ARHGEF7: variants seen among roughly 807,000 people sequenced by gnomAD.
ARHGEF7 encodes PAK-interacting exchange factor beta.
ARHGEF7 carries 33 observed loss-of-function variants against 109.8 expected under a neutral mutation model. The observed-to-expected ratio is 0.30, with a 90% CI of 0.23 to 0.40. ARHGEF7 has a LOEUF of 0.40. Ranked by LOEUF, ARHGEF7 falls within the 10% of genes least tolerant of loss-of-function variation. The probability of loss-of-function intolerance (pLI) is 1.00; values close to 1 mark genes in which losing one functional copy is unlikely to be tolerated. For missense variants in ARHGEF7, 938 were observed against 1,098.5 expected (o/e 0.85, Z 2.07); for synonymous variants, 458 against 424.6 (o/e 1.08, Z -0.97).
rs1020577470 is a variant in ARHGEF7 at position 111,145,915 on chromosome 13, C to A, written c.166-7990C>A. On this transcript the variant is annotated intron_variant, in intron 1 of 21. Coordinates refer to ENST00000646102, the MANE Select transcript of ARHGEF7 (RefSeq NM_001354046.2). The surrounding 1 kb of genome is among the most constrained non-coding windows in gnomAD (Gnocchi z 4.3). ...TTCTGTGACCCTTTCAGCTAAGGTT[C>A]TTTGTTTCACTTACTCCGTGATGAG... Among the ~76,000 whole-genome samples, 7 of 152,158 alleles carry A rather than the reference C, an allele frequency of 4.6e-5. No individual in the cohort carries two copies. Among genetic ancestry groups the A allele is most frequent in the Non-Finnish European group, 8.8e-5 (6 of 68,026 alleles).
rs2093609838 is a variant in ARHGEF7 at position 111,303,446 on chromosome 13, A to G, written c.*333A>G. ...TTGAATATATAAATATTATATATACATGTTTCTTGTAAATATCCCATTTTG... is the reference window on the plus strand; with the variant it reads ...TTGAATATATAAATATTATATATACGTGTTTCTTGTAAATATCCCATTTTG... On this transcript the variant is annotated 3_prime_UTR_variant, in exon 22 of 22. Coordinates refer to ENST00000646102, the MANE Select transcript of ARHGEF7 (RefSeq NM_001354046.2). 6.2e-6 allele frequency: 1 copy of G among 162,284 alleles called. No individual in the cohort carries two copies. Among genetic ancestry groups the G allele is most frequent in the African/African-American group, 2.4e-5 (1 of 41,932 alleles). 10.1% of individuals were successfully genotyped at this position (162,284 alleles called of 1,614,324 possible). A position where few individuals can be genotyped will look rare whatever the true frequency, so the allele number is the denominator to read the frequency against.
chr13:111,191,865 T>C (rs1049146470), intron 2 of ARHGEF7, among the ~76,000 whole-genome samples: 6 of 152,118 alleles, frequency 3.9e-5, no homozygotes, highest in African/African-American at 1.2e-4. Flanking sequence ...AGAAAGAAGG[T>C]TGATAAGATT....
intron 1 of ARHGEF7, among the ~76,000 whole-genome samples, chr13:111,117,191 T>C (rs566336170): frequency 1.6e-4 from 24 of 152,348 alleles, no homozygotes; most frequent in African/African-American, 5.8e-4. Context: ...GCTGTATTGA[T>C]AAAAACATGT....
chr13:111,284,847 C>A (rs757323231), intron 16 of ARHGEF7, among the ~76,000 whole-genome samples: 1 of 152,194 alleles, frequency 6.6e-6, no homozygotes. Flanking sequence ...TGCTCTGTGA[C>A]CCTCTGCGCC....
chr13:111,153,615 G>T lies in ARHGEF7; in HGVS notation c.166-290G>T, dbSNP rs556855894. ...CCGACGCTATCCGAAGACGTCCCGC[G>T]CGGGCCGGCGGGGGCGCGGTCTGAG... On this transcript the variant is annotated intron_variant, in intron 1 of 21. Transcript: ENST00000646102. 2.7e-4 allele frequency: 320 copies of T among 1,170,714 alleles called. 2 individuals carry two copies. In the African/African-American group the frequency reaches 4.9e-3, roughly 18 times the overall value. The allele number at this position is 1,170,714 out of a possible 1,614,324, so 72.5% of individuals were successfully genotyped here.
intron 3 of ARHGEF7, 94 bp from the exon 4 acceptor site, chr13:111,209,778 C>T (rs1309500044): frequency 7.0e-7 from 1 of 1,436,082 alleles, no homozygotes; most frequent in African/African-American, 1.4e-5. Context: ...GTGTGTCCCT[C>T]TGTGCTGCCC....
intron 5 of ARHGEF7, among the ~76,000 whole-genome samples, chr13:111,225,360 A>G (rs2085055455): frequency 6.6e-6 from 1 of 152,052 alleles, no homozygotes; most frequent in East Asian, 1.9e-4. Flanking sequence ...AGCACAGGCC[A>G]CCCACTCCCA....
chr13:111,249,095 T>C (rs1357407830), intron 8 of ARHGEF7, among the ~76,000 whole-genome samples: 2 of 152,154 alleles, frequency 1.3e-5, no homozygotes, highest in Non-Finnish European at 2.9e-5. Context: ...TGGGCAGAAT[T>C]TAGAGACAGA....
chr13:111,125,191 A>G (rs892681871), intron 1 of ARHGEF7, among the ~76,000 whole-genome samples: 6 of 152,022 alleles, frequency 3.9e-5, no homozygotes, highest in Non-Finnish European at 7.4e-5. Flanking sequence ...GAATCTTTCC[A>G]TGATGAGAAA....
intron 1 of ARHGEF7, among the ~76,000 whole-genome samples, chr13:111,133,097 C>T (rs963478595): frequency 1.3e-5 from 2 of 151,866 alleles, no homozygotes; most frequent in Non-Finnish European, 2.9e-5. Context: ...CATATATACA[C>T]ATATACATAC....
intron 2 of ARHGEF7, among the ~76,000 whole-genome samples, chr13:111,203,991 C>T (rs566876751): frequency 6.6e-6 from 1 of 152,298 alleles, no homozygotes; most frequent in African/African-American, 2.4e-5. Flanking sequence ...CAATCTGCCA[C>T]TGCAGATTTT....
chr13:111,205,593 C>T (rs763789762), intron 3 of ARHGEF7, among the ~76,000 whole-genome samples: 1 of 152,158 alleles, frequency 6.6e-6, no homozygotes, highest in Admixed American at 6.5e-5. Context: ...GTTTTCCTTT[C>T]TGTGGGTGGA....
At chr13:111,200,475 A>G (rs555977455) in intron 2 of ARHGEF7, among the ~76,000 whole-genome samples, 35 of 147,628 alleles carry the variant, frequency 2.4e-4, no homozygotes, top group African/African-American at 8.3e-4. Flanking sequence ...TTGACAATAC[A>G]CTGTGTCAGA....
intron 2 of ARHGEF7, among the ~76,000 whole-genome samples, chr13:111,200,174 T>TG (rs1478680409): frequency 6.6e-6 from 1 of 152,032 alleles, no homozygotes; most frequent in Non-Finnish European, 1.5e-5. Context: ...TTACCAGCCT[T>TG]GGGCTGCGGC....
chr13:111,251,873 A>G (rs1328781413), intron 8 of ARHGEF7, among the ~76,000 whole-genome samples: 1 of 152,236 alleles, frequency 6.6e-6, no homozygotes, highest in Non-Finnish European at 1.5e-5. Context: ...GCATGCATGC[A>G]TTCATTCTGT....
intron 4 of ARHGEF7, among the ~76,000 whole-genome samples, chr13:111,216,880 C>A (rs2083217623): frequency 6.6e-6 from 1 of 152,222 alleles, no homozygotes; most frequent in Non-Finnish European, 1.5e-5. Context: ...ATCAAACAGG[C>A]CCCAGCCCCT....
chr13:111,184,203 A>G (rs551283824), intron 2 of ARHGEF7, among the ~76,000 whole-genome samples: 1 of 152,262 alleles, frequency 6.6e-6, no homozygotes, highest in East Asian at 1.9e-4. Context: ...TGTCCTGTGA[A>G]GAGGTGCCTT....
chr13:111,191,313 G>T (rs984067317), intron 2 of ARHGEF7, among the ~76,000 whole-genome samples: 1 of 152,156 alleles, frequency 6.6e-6, no homozygotes, highest in African/African-American at 2.4e-5. Context: ...AGGTTGCATT[G>T]GATGCATAAA....
At chr13:111,253,677 C>T (rs550409136) in intron 8 of ARHGEF7, among the ~76,000 whole-genome samples, 1 of 152,312 alleles carries the variant, frequency 6.6e-6, no homozygotes, top group African/African-American at 2.4e-5. Flanking sequence ...TCCACCAAGC[C>T]TGGGACTACC....
Sources: allele counts gnomAD v4.1 joint callset (sites outside exome capture counted in the v4.1 genomes callset), GRCh38; gene constraint gnomAD v4.1.1; non-coding constraint Gnocchi (gnomAD v3.1); transcripts MANE v1.5; gene names NCBI Gene and HGNC (gene_info 2026-07-23, HGNC 2026-07-21).